The following ZNF33B variants were observed in gnomAD, a reference collection of about 807,000 sequenced individuals.
ZNF33B encodes the protein zinc finger protein 11b (KOX 2).
A neutral mutation model predicts 45.8 loss-of-function variants in ZNF33B; 29 were observed. The ratio of observed to expected loss-of-function variants is 0.63; its 90% CI spans 0.47 to 0.86. The LOEUF (loss-of-function observed/expected upper bound fraction) is 0.86. Ranked by LOEUF, ZNF33B falls within the 40% of genes least tolerant of loss-of-function variation. The pLI is 0.00. For missense variants in ZNF33B, 831 were observed against 909.9 expected, an observed-to-expected ratio of 0.91 and a Z score of 1.12; for synonymous variants, 305 against 307.8, an observed-to-expected ratio of 0.99 and a Z score of 0.10.
chr10:42,586,310 C>T (rs1405873078), downstream of ZNF33B, among the ~76,000 whole-genome samples: 8 of 151,994 alleles, frequency 5.3e-5, no homozygotes, highest in South Asian at 2.1e-4. Context: ...CCTGCCACCA[C>T]GCCTGGCTTT....
At chr10:42,603,071 G>A (rs189940753) in intron 4 of ZNF33B, among the ~76,000 whole-genome samples, 4 of 152,278 alleles carry the variant, frequency 2.6e-5, no homozygotes, top group Middle Eastern at 3.4e-3. Flanking sequence ...GAATAGTGGA[G>A]TACAATGCCT....
At chr10:42,631,465 C>G (rs1224988582) in intron 4 of ZNF33B, among the ~76,000 whole-genome samples, 1 of 152,178 alleles carries the variant, frequency 6.6e-6, no homozygotes, top group Non-Finnish European at 1.5e-5. Flanking sequence ...TCGACCTGTG[C>G]TGGGATTACA....
intron 4 of ZNF33B, among the ~76,000 whole-genome samples, chr10:42,601,201 G>A (rs1270405398): frequency 6.6e-6 from 1 of 151,928 alleles, no homozygotes; most frequent in African/African-American, 2.4e-5. Context: ...TTTATCTCTG[G>A]CTGCTTTGAG....
At chr10:42,596,301 T>C (rs1451703555) in intron 4 of ZNF33B, among the ~76,000 whole-genome samples, 1 of 152,010 alleles carries the variant, frequency 6.6e-6, no homozygotes, top group Non-Finnish European at 1.5e-5. Context: ...AACTACTAGA[T>C]GTTAAAATTG....
chr10:42,605,678 A>C lies in ZNF33B; in HGVS notation c.251-10979T>G, dbSNP rs1202032466. Among the ~76,000 whole-genome samples, 4 of 152,358 alleles carry C rather than the reference A, an allele frequency of 2.6e-5. No homozygotes were observed. In the South Asian group the frequency reaches 6.2e-4, roughly 24 times the overall value. On this transcript the variant is annotated intron_variant, in intron 4 of 4. Coordinates refer to ENST00000359467, the MANE Select transcript of ZNF33B (RefSeq NM_006955.3). ...TATTGTGGGTAAAGGCAATGATACG[A>C]GAGAGTAAAAAAGGCACACTTTTTC... is the stretch of plus-strand genomic sequence containing the variant.
At chr10:42,608,002 C>G (rs1837938150) in intron 4 of ZNF33B, among the ~76,000 whole-genome samples, 1 of 151,996 alleles carries the variant, frequency 6.6e-6, no homozygotes, top group African/African-American at 2.4e-5. Context: ...AATTTGAAAA[C>G]AGAAAAAGAT....
At chr10:42,577,194 C>T (rs1450276283) in intron 1 of ZNF33B, among the ~76,000 whole-genome samples, 4 of 151,166 alleles carry the variant, frequency 2.6e-5, no homozygotes, top group Non-Finnish European at 4.4e-5. Context: ...GAGAGGACAG[C>T]TGAGATGCTG....
chr10:42,608,449 G>A (rs1268720961), intron 4 of ZNF33B, among the ~76,000 whole-genome samples: 1 of 151,946 alleles, frequency 6.6e-6, no homozygotes, highest in South Asian at 2.1e-4. Flanking sequence ...AATTTAAAAC[G>A]ATTCTCTGAC....
rs569253104 is a variant in ZNF33B at position 42,614,385 on chromosome 10, A to G, written c.250+17544T>C. The G allele has an allele frequency of 4.6e-5, 7 of 153,218 alleles. No individual in the cohort carries two copies. In the East Asian group the frequency reaches 1.4e-3, roughly 30 times the overall value. 9.5% of individuals were successfully genotyped at this position (153,218 alleles called of 1,614,324 possible). A position where few individuals can be genotyped will look rare whatever the true frequency, so the allele number is the denominator to read the frequency against. On this transcript the variant is annotated intron_variant, in intron 4 of 4. Coordinates refer to ENST00000359467, the MANE Select transcript of ZNF33B (RefSeq NM_006955.3). Reference sequence around the variant, plus strand: ...TAAAGAGACATAACAACTAAATGTAATATGGTGCCCTGGAAGGGATCCTGG... The same window carrying G: ...TAAAGAGACATAACAACTAAATGTAGTATGGTGCCCTGGAAGGGATCCTGG...
chr10:42,633,223 T>C (rs1428954803), intron 2 of ZNF33B, among the ~76,000 whole-genome samples: 2 of 152,184 alleles, frequency 1.3e-5, no homozygotes, highest in African/African-American at 2.4e-5. Context: ...TAGGGATGTG[T>C]AGAAAATGGA....
chr10:42,603,011 C>CT (rs2132069337), intron 4 of ZNF33B, among the ~76,000 whole-genome samples: 1 of 152,282 alleles, frequency 6.6e-6, no homozygotes, highest in Non-Finnish European at 1.5e-5. Flanking sequence ...CTTGAGCCAG[C>CT]TTCCTCCACC....
Position 42,592,607 on chromosome 10 carries a change from T to A in ZNF33B, c.*6A>T. The A allele has an allele frequency of 6.2e-7, 1 of 1,608,712 alleles. No individual in the cohort carries two copies. Among genetic ancestry groups the A allele is most frequent in the African/African-American group, 1.3e-5 (1 of 74,768 alleles). ...GACTTGTGGCTGGAAATTTCTAATA[T>A]CCAATTCATTCATAAGGTTTTTCTC... On this transcript the variant is annotated 3_prime_UTR_variant, in exon 5 of 5. Transcript: ENST00000359467.
intron 4 of ZNF33B, among the ~76,000 whole-genome samples, chr10:42,625,981 C>T (rs1838789506): frequency 6.6e-6 from 1 of 152,208 alleles, no homozygotes; most frequent in Admixed American, 6.5e-5. Flanking sequence ...ACAGAGAAAA[C>T]ATTTCATCTT....
intron 4 of ZNF33B, among the ~76,000 whole-genome samples, chr10:42,623,288 T>C (rs564429013): frequency 6.6e-6 from 1 of 152,302 alleles, no homozygotes; most frequent in South Asian, 2.1e-4. Flanking sequence ...TGTGTATATA[T>C]ACACATTAAA....
chr10:42,632,387 A>G lies in ZNF33B; in HGVS notation c.62T>C (p.Phe21Ser). The change falls in exon 3 of 5, where the codon TTC becomes TCC. Residue 21 changes from phenylalanine (F) to serine (S), a missense_variant. By Grantham distance (155) the Phe-to-Ser change is radical. Transcript: ENST00000359467. ...CAGGTGCTGCCACTCCTCCTGGGTG[A>G]AGCCCACAGTCACATCTTTAAATGA... ...SVSFKDVTVG[F>S]TQEEWQHLDP... is the part of the protein sequence containing the mutation. 1 of 1,614,000 alleles carries G rather than the reference A, an allele frequency of 6.2e-7. No homozygotes were observed. Among genetic ancestry groups the G allele is most frequent in the East Asian group, 2.2e-5 (1 of 44,872 alleles).
At chr10:42,614,153 A>G (rs1031152683) in intron 4 of ZNF33B, 1 of 154,798 alleles carries the variant, frequency 6.5e-6, no homozygotes, top group Non-Finnish European at 1.5e-5. Flanking sequence ...TGGTGACAGT[A>G]TGCATGCTTG....
chr10:42,608,270 C>T (rs1837948899), intron 4 of ZNF33B, among the ~76,000 whole-genome samples: 1 of 151,994 alleles, frequency 6.6e-6, no homozygotes, highest in Admixed American at 6.6e-5. Context: ...ACTGTAATAA[C>T]CCATTTTCAA....
intron 4 of ZNF33B, among the ~76,000 whole-genome samples, chr10:42,596,361 T>C (rs1342579831): frequency 6.6e-6 from 1 of 152,116 alleles, no homozygotes; most frequent in African/African-American, 2.4e-5. Context: ...AACTTTTACT[T>C]TGATAATGAG....
At chr10:42,622,646 A>T (rs1291475068) in intron 4 of ZNF33B, among the ~76,000 whole-genome samples, 2 of 152,184 alleles carry the variant, frequency 1.3e-5, no homozygotes, top group African/African-American at 4.8e-5. Context: ...GAGATACAAC[A>T]GTCATACTCA....
Sources: allele counts gnomAD v4.1 joint callset (sites outside exome capture counted in the v4.1 genomes callset), GRCh38; gene constraint gnomAD v4.1.1; transcripts MANE v1.5; gene names NCBI Gene and HGNC (gene_info 2026-07-23, HGNC 2026-07-21).